MKS1: variants seen among roughly 807,000 people sequenced by gnomAD.
MKS1 encodes tectonic-like complex member MKS1.
In MKS1, 70 loss-of-function variants were observed where a neutral mutation model predicts 83.7. The ratio of observed to expected loss-of-function variants is 0.84; its 90% CI spans 0.69 to 1.02. MKS1 has a LOEUF of 1.02. Ranked by LOEUF, MKS1 falls within the 50% of genes least tolerant of loss-of-function variation. The pLI, the probability that MKS1 is intolerant of heterozygous loss-of-function variation, is 0.00. For synonymous variants in MKS1, 251 were observed against 273.4 expected (o/e 0.92, Z 0.81); for missense variants, 681 against 726.9 (o/e 0.94, Z 0.73).
intron 2 of MKS1, 137 bp downstream of exon 2, chr17:58,218,483 C>CA: frequency 3.4e-6 from 1 of 292,718 alleles, no homozygotes. Context: ...AAAAAAAAGC[C>CA]ACAAATAGAA....
At chr17:58,217,861 G>A (rs1250218040) in intron 2 of MKS1, among the ~76,000 whole-genome samples, 1 of 152,100 alleles carries the variant, frequency 6.6e-6, no homozygotes, top group African/African-American at 2.4e-5. Context: ...ACACTCTTGG[G>A]TATGCCTTTT....
At chr17:58,206,708 T>C (rs1597976432) in intron 15 of MKS1, 161 bp from the exon 16 acceptor site, 2 of 766,096 alleles carry the variant, frequency 2.6e-6, no homozygotes, top group East Asian at 2.7e-5. Context: ...AGGCTAATAC[T>C]GGGCTATTGG....
Position 58,206,507 on chromosome 17 carries a change from G to T in MKS1, c.1448C>A (p.Thr483Lys). The T allele has an allele frequency of 6.2e-7, 1 of 1,614,006 alleles. No individual in the cohort carries two copies. The highest frequency in any genetic ancestry group is 8.5e-7 in the Non-Finnish European group (1 of 1,180,022). Residue 483 changes from threonine to lysine, a missense_variant, in exon 16 of 18, where the codon ACA (threonine) becomes AAA (lysine). This residue lies in a region of MKS1 where 310 missense variants were observed against 321.7 expected (regional missense o/e 0.96). Coordinates refer to ENST00000393119, the MANE Select transcript of MKS1 (RefSeq NM_017777.4). ...GTGCAAGCGGAAGGTGACAGTGCCT[G>T]TGGTCTCTGTGCGGAGTCCAAAGCG... ...LSRFGLRTET[T>K]GTVTFRLHCL...
At chr17:58,211,953 A>G (rs1266789461) in intron 9 of MKS1, among the ~76,000 whole-genome samples, 2 of 152,212 alleles carry the variant, frequency 1.3e-5, no homozygotes, top group African/African-American at 4.8e-5. Context: ...TCCACATGAA[A>G]GGTGAAGAAG....
chr17:58,211,159 A>C (rs578190341), intron 9 of MKS1, 137 bp from the exon 10 acceptor site: 55 of 747,560 alleles, frequency 7.4e-5, no homozygotes, highest in Non-Finnish European at 1.0e-4. Flanking sequence ...CTTTCTCCCC[A>C]CCCTGACACT....
chr17:58,218,585 A>C (rs1309011151), intron 2 of MKS1, 35 bp downstream of exon 2: 2 of 1,429,290 alleles, frequency 1.4e-6, no homozygotes, highest in Admixed American at 1.7e-5. Flanking sequence ...TATCATAATT[A>C]GTATTAGATG....
At chr17:58,208,024 C>A in intron 13 of MKS1, 23 bp from the exon 14 acceptor site, 1 of 1,612,000 alleles carries the variant, frequency 6.2e-7, no homozygotes, top group Non-Finnish European at 8.5e-7. Flanking sequence ...AGAGAAGCGG[C>A]CAGGTCACAG....
chr17:58,216,399 GA>G lies in MKS1; in HGVS notation c.262-157del, dbSNP rs959100079. On this transcript the variant is annotated intron_variant, in intron 3 of 17. Coordinates refer to ENST00000393119, the MANE Select transcript of MKS1 (RefSeq NM_017777.4). ...AACTAATGAATGGCAGGGGAACCAAGAACATTAGAGCTAAAAGGAACCAGAC... is the reference window on the plus strand; with the variant it reads ...AACTAATGAATGGCAGGGGAACCAAGACATTAGAGCTAAAAGGAACCAGAC... 1.3e-5 allele frequency among the ~76,000 whole-genome samples: 2 copies of G among 152,328 alleles called. No individual in the cohort carries two copies. The highest frequency in any genetic ancestry group is 4.8e-5 in the African/African-American group (2 of 41,562).
Position 58,218,674 on chromosome 17 carries a change from C to T in MKS1, c.136G>A (p.Glu46Lys), listed in dbSNP as rs183617764. ...SNFLHYQPAA[E>K]LGKDLIDLAT... ...AAGTCTATGAGGTCCTTCCCGAGCT[C>T]GGCAGCAGGCTGATAATGAAGAAAG... is the stretch of plus-strand genomic sequence containing the variant. The change falls in exon 2 of 18, where the codon GAG (glutamate) becomes AAG (lysine). Residue 46 changes from glutamate to lysine, a missense_variant. Around this residue, in one of 3 missense-constraint regions of MKS1, gnomAD observed 365 missense variants for 383.8 expected, o/e 0.95. Transcript: ENST00000393119. 1 of 1,613,948 alleles carries T rather than the reference C, an allele frequency of 6.2e-7. No homozygotes were observed. The highest frequency in any genetic ancestry group is 8.5e-7 in the Non-Finnish European group (1 of 1,179,940).
At position 58,208,172 on chromosome 17, in the gene MKS1, G is replaced by A. The variant is rs1374437999; in HGVS notation, c.1098C>T (p.Asp366=). ...ATGGGTAGGAGAAGTGAGCCACCTT[G>A]TCCTATAAAAAGGAGTGTCATAGGG... ...QTCTTKSLAM[D]KVAHFSYPFT... is the part of the protein sequence containing the mutation. The change falls in exon 13 of 18, where the codon GAC becomes GAT. Residue 366 remains aspartate, a splice_region_variant and synonymous_variant. Coordinates refer to ENST00000393119, the MANE Select transcript of MKS1 (RefSeq NM_017777.4). 1 of 1,611,580 alleles carries A rather than the reference G, an allele frequency of 6.2e-7. No homozygotes were observed. The highest frequency in any genetic ancestry group is 8.5e-7 in the Non-Finnish European group (1 of 1,177,682).
intron 3 of MKS1, 69 bp downstream of exon 3, chr17:58,216,597 T>C: frequency 1.3e-6 from 2 of 1,517,810 alleles, no homozygotes; most frequent in South Asian, 2.3e-5. Context: ...ACTTTGGCAA[T>C]ATGTATCACC....
At chr17:58,208,386 C>T (rs974811403) in intron 12 of MKS1, 127 bp downstream of exon 12, 1 of 1,170,450 alleles carries the variant, frequency 8.5e-7, no homozygotes, top group Non-Finnish European at 1.2e-6. Flanking sequence ...CCTGTAGAAC[C>T]CACACACAAG....
intron 2 of MKS1, among the ~76,000 whole-genome samples, chr17:58,218,271 AC>A (rs1969352781): frequency 6.7e-6 from 1 of 150,324 alleles, no homozygotes; most frequent in African/African-American, 2.4e-5. Context: ...ACACGGTGAA[AC>A]CCCGCCTCTA....
intron 2 of MKS1, among the ~76,000 whole-genome samples, chr17:58,217,502 A>G (rs993891562): frequency 6.6e-6 from 1 of 152,232 alleles, no homozygotes; most frequent in Admixed American, 6.5e-5. Flanking sequence ...AGGCAAATAA[A>G]TGATTTTTTA....
Position 58,206,310 on chromosome 17 carries a change from G to A in MKS1, c.1561C>T (p.Gln521Ter). 1 of 1,614,120 alleles carries A rather than the reference G, an allele frequency of 6.2e-7. No individual in the cohort carries two copies. Among genetic ancestry groups the A allele is most frequent in the Non-Finnish European group, 8.5e-7 (1 of 1,180,020 alleles). ...SVLDRLEGFSQQSSIHNVLEA... is the reference protein window; with the variant it reads ...SVLDRLEGFS ...AGCACATTGTGAATGGAACTCTGCT[G>A]GCTGAACCCTTCCAGACGGTCCAAC... The change falls in exon 17 of 18, where the codon CAG becomes TAG. Residue 521 changes from glutamine (Q) to a stop codon, truncating the protein, a stop_gained. Coordinates refer to ENST00000393119, the MANE Select transcript of MKS1 (RefSeq NM_017777.4). LOFTEE classifies it high-confidence loss of function.
rs775485640 is a variant in MKS1 at position 58,208,570 on chromosome 17, T to C, written c.1038A>G (p.Pro346=). 6.2e-7 allele frequency: 1 copy of C among 1,614,224 alleles called. No individual in the cohort carries two copies. Among genetic ancestry groups the C allele is most frequent in the Non-Finnish European group, 8.5e-7 (1 of 1,180,028 alleles). The change falls in exon 12 of 18, where the codon CCA becomes CCG. Residue 346 remains proline, a synonymous_variant. Transcript: ENST00000393119. The part of the protein sequence containing the change: ...VELPTAHWSS[P]AFQQLSGVTQ... ...TTACTCCTGAGAGCTGCTGGAATGC[T>C]GGGCTTGACCAGTCTGAAAGCCAAA...
chr17:58,218,742 G>A lies in MKS1; in HGVS notation c.81-13C>T, dbSNP rs1969411467. On this transcript the variant is annotated splice_polypyrimidine_tract_variant and intron_variant, in intron 1 of 17. Coordinates refer to ENST00000393119, the MANE Select transcript of MKS1 (RefSeq NM_017777.4). ...TTGCAGGTGGACTCTGTCAAGAAAA[G>A]CCCAAAATATTCGTTACCAGACACG... The A allele has an allele frequency of 6.3e-7, 1 of 1,597,184 alleles. No homozygotes were observed. The highest frequency in any genetic ancestry group is 1.7e-5 in the Admixed American group (1 of 59,950).
intron 11 of MKS1, 71 bp from the exon 12 acceptor site, chr17:58,208,654 CTT>C: frequency 7.3e-7 from 1 of 1,370,734 alleles, no homozygotes; most frequent in Non-Finnish European, 1.0e-6. Flanking sequence ...AAGACAGTTT[CTT>C]TTTTCTTTTC....
intron 11 of MKS1, 99 bp downstream of exon 11, chr17:58,210,560 G>C (rs184568637): frequency 8.7e-7 from 1 of 1,152,746 alleles, no homozygotes; most frequent in African/African-American, 1.5e-5. Context: ...GAAAAGAACA[G>C]TAACAGTTTC....
Sources: allele counts gnomAD v4.1 joint callset (sites outside exome capture counted in the v4.1 genomes callset), GRCh38; gene constraint gnomAD v4.1.1; regional missense constraint gnomAD v4.1.1; transcripts MANE v1.5; gene names NCBI Gene and HGNC (gene_info 2026-07-23, HGNC 2026-07-21).